Variants in NPLOC4 observed in about 807,000 individuals in gnomAD.
NPLOC4 encodes the protein NPL4 homolog, ubiquitin recognition factor, also known as nuclear protein localization protein 4 homolog.
In NPLOC4, 18 loss-of-function variants were observed where a neutral mutation model predicts 80.6. The ratio of observed to expected loss-of-function variants is 0.22; its 90% CI spans 0.15 to 0.33. The LOEUF is 0.33. NPLOC4 is among the 10% of genes least tolerant of loss of function. The pLI is 1.00. For synonymous variants in NPLOC4, 313 were observed against 301.5 expected, an observed-to-expected ratio of 1.04 and a Z score of -0.39; for missense variants, 540 against 786.1, an observed-to-expected ratio of 0.69 and a Z score of 3.74.
rs937163110 is a variant in NPLOC4, at chr17:81,593,059, T to C, written c.1120+3057A>G. 3.9e-5 allele frequency among the ~76,000 whole-genome samples: 6 copies of C among 152,330 alleles called. No homozygotes were observed. In the East Asian group the frequency reaches 1.2e-3, roughly 29 times the overall value. ...AGTCATTAAAACCACACTGAAATAC[T>C]GTGGAACTGTTCCATATCCCACAAG... On this transcript the variant is annotated intron_variant, in intron 11 of 16. Coordinates refer to ENST00000331134, the MANE Select transcript of NPLOC4 (RefSeq NM_017921.4).
intron 1 of NPLOC4, among the ~76,000 whole-genome samples, chr17:81,632,634 A>G (rs2035962145): frequency 6.6e-6 from 1 of 151,958 alleles, no homozygotes. Context: ...CCTTTTTCAT[A>G]AATTCTATAA....
At position 81,565,669 on chromosome 17, in the gene NPLOC4, G is replaced by T. The variant is rs190443455; in HGVS notation, c.1567-62C>A. 2.2e-5 allele frequency: 28 copies of T among 1,272,234 alleles called. No individual in the cohort carries two copies. The Admixed American group carries it at 2.3e-4, about 10-fold the overall frequency. The allele number at this position is 1,272,234 out of a possible 1,614,324, so 78.8% of individuals were successfully genotyped here. A position where few individuals can be genotyped will look rare whatever the true frequency, so the allele number is the denominator to read the frequency against. The stretch of plus-strand genomic sequence containing the variant: ...GCCTAAGGTGAGCAGCTTCCTGCTA[G>T]AACAGGTTTCTTTCTCCCCAACATC... On this transcript the variant is annotated intron_variant, in intron 15 of 16. Coordinates refer to ENST00000331134, the MANE Select transcript of NPLOC4 (RefSeq NM_017921.4).
chr17:81,569,495 G>A (rs1241078765), intron 13 of NPLOC4, among the ~76,000 whole-genome samples: 1 of 152,262 alleles, frequency 6.6e-6, no homozygotes, highest in Non-Finnish European at 1.5e-5. Flanking sequence ...GAAAGGAACG[G>A]AAGGGCCAGG....
chr17:81,559,851 G>C (rs931366303), intron 16 of NPLOC4, among the ~76,000 whole-genome samples: 1 of 148,934 alleles, frequency 6.7e-6, no homozygotes, highest in South Asian at 2.2e-4. Flanking sequence ...TCCTGCCTCA[G>C]CCTCCCAAGT....
intron 12 of NPLOC4, 108 bp downstream of exon 12, chr17:81,588,836 C>A: frequency 2.1e-6 from 2 of 940,896 alleles, no homozygotes; most frequent in Non-Finnish European, 3.2e-6. Flanking sequence ...GGTTCAACCA[C>A]AGCTGACAAA....
intron 4 of NPLOC4, among the ~76,000 whole-genome samples, chr17:81,612,103 GA>G (rs1393194085): frequency 6.6e-6 from 1 of 152,084 alleles, no homozygotes; most frequent in Non-Finnish European, 1.5e-5. Context: ...TAACAACAAT[GA>G]AAAAACCTTG....
At chr17:81,599,035 T>C (rs1184937685) in intron 9 of NPLOC4, among the ~76,000 whole-genome samples, 3 of 152,212 alleles carry the variant, frequency 2.0e-5, no homozygotes, top group African/African-American at 4.8e-5. Context: ...ACGCCCATAA[T>C]CCCAGAACTT....
intron 8 of NPLOC4, among the ~76,000 whole-genome samples, chr17:81,603,831 T>C (rs1438029242): frequency 6.6e-6 from 1 of 152,210 alleles, no homozygotes; most frequent in African/African-American, 2.4e-5. Flanking sequence ...TAGCATTCAA[T>C]ATTTGCTTAC....
intron 11 of NPLOC4, 25 bp from the exon 12 acceptor site, chr17:81,589,129 G>T: frequency 6.2e-7 from 1 of 1,602,440 alleles, no homozygotes; most frequent in Non-Finnish European, 8.5e-7. Context: ...CCTTTAAAAA[G>T]AGTCTACCAA....
At chr17:81,603,261 G>A (rs1249779795) in intron 8 of NPLOC4, among the ~76,000 whole-genome samples, 3 of 152,128 alleles carry the variant, frequency 2.0e-5, no homozygotes, top group Admixed American at 2.0e-4. Context: ...TTGTAAACAT[G>A]ACTTTGGAAA....
At chr17:81,559,764 G>A (rs2033790029) in intron 16 of NPLOC4, among the ~76,000 whole-genome samples, 1 of 115,062 alleles carries the variant, frequency 8.7e-6, no homozygotes, top group African/African-American at 3.5e-5. Flanking sequence ...GTAGGGTCTT[G>A]CTCTGTCACC....
At chr17:81,569,281 A>G (rs554508289) in intron 13 of NPLOC4, among the ~76,000 whole-genome samples, 170 bp from the exon 14 acceptor site, 14 of 152,336 alleles carry the variant, frequency 9.2e-5, no homozygotes, top group Admixed American at 5.9e-4. Context: ...TGTCATCTCT[A>G]AACGAACACT....
At chr17:81,603,328 GCTC>G (rs2035118107) in intron 8 of NPLOC4, among the ~76,000 whole-genome samples, 1 of 152,100 alleles carries the variant, frequency 6.6e-6, no homozygotes, top group Non-Finnish European at 1.5e-5. Flanking sequence ...GGGCACAGTG[GCTC>G]CTACCTGTAA....
In NPLOC4 at chr17:81,564,151, CTA is replaced by C. The variant is rs1313512656; in HGVS notation, c.1669+1352_1669+1353del. On this transcript the variant is annotated intron_variant, in intron 16 of 16. Coordinates refer to ENST00000331134, the MANE Select transcript of NPLOC4 (RefSeq NM_017921.4). ...GGGCGGGCTGAAAAACTATTAGGTA[CTA>C]TGTGTAGTACCTGGGTGATGTGATC... The C allele has an allele frequency of 1.2e-4, 35 of 289,820 alleles. 2 individuals are homozygous for C. In the Admixed American group the frequency reaches 1.6e-3, roughly 14 times the overall value. The allele number at this position is 289,820 out of a possible 1,614,324, so 18.0% of individuals were successfully genotyped here.
chr17:81,618,100 C>G (rs369822561), intron 3 of NPLOC4, among the ~76,000 whole-genome samples: 7 of 150,504 alleles, frequency 4.7e-5, no homozygotes, highest in Non-Finnish European at 7.4e-5. Context: ...AGTGAGGAGC[C>G]TCTCTGCCTG....
At chr17:81,598,247 AG>A (rs1249081653) in intron 9 of NPLOC4, among the ~76,000 whole-genome samples, 2 of 152,188 alleles carry the variant, frequency 1.3e-5, no homozygotes, top group Non-Finnish European at 2.9e-5. Flanking sequence ...GGCCACACCC[AG>A]GGATCTCCAT....
chr17:81,559,168 T>G lies in NPLOC4; in HGVS notation c.*91A>C. ...CTTGTTCCTCCAGGGCTGCCCACTA[T>G]GGGGCAGTTACAGGGAACACACTCA... On this transcript the variant is annotated 3_prime_UTR_variant, in exon 17 of 17. Coordinates refer to ENST00000331134, the MANE Select transcript of NPLOC4 (RefSeq NM_017921.4). The G allele has an allele frequency of 5.7e-6, 8 of 1,393,962 alleles. No individual in the cohort carries two copies. Among genetic ancestry groups the G allele is most frequent in the Non-Finnish European group, 6.7e-6 (7 of 1,042,524 alleles). The allele number at this position is 1,393,962 out of a possible 1,614,324, so 86.3% of individuals were successfully genotyped here. A position where few individuals can be genotyped will look rare whatever the true frequency, so the allele number is the denominator to read the frequency against.
chr17:81,559,163 C>A lies in NPLOC4; in HGVS notation c.*96G>T. 2.9e-6 allele frequency: 4 copies of A among 1,365,702 alleles called. No individual in the cohort carries two copies. Among genetic ancestry groups the A allele is most frequent in the Non-Finnish European group, 3.9e-6 (4 of 1,022,102 alleles). 84.6% of individuals were successfully genotyped at this position (1,365,702 alleles called of 1,614,324 possible). ...AGCCCCTTGTTCCTCCAGGGCTGCC[C>A]ACTATGGGGCAGTTACAGGGAACAC... is the stretch of plus-strand genomic sequence containing the variant. On this transcript the variant is annotated 3_prime_UTR_variant, in exon 17 of 17. Coordinates refer to ENST00000331134, the MANE Select transcript of NPLOC4 (RefSeq NM_017921.4).
In NPLOC4 at chr17:81,622,234, G is replaced by A. The variant is rs745376381; in HGVS notation, c.141C>T (p.Tyr47=). 1.1e-5 allele frequency: 18 copies of A among 1,613,766 alleles called. No individual in the cohort carries two copies. The change falls in exon 3 of 17, where the codon TAC becomes TAT. Residue 47 remains tyrosine (Y), a synonymous_variant. Transcript: ENST00000331134. ...TCTCTCCGGTCTTGTTTCTATTGAT[G>A]TAAACCGAGAAGCCATTATTTTGGA... ...FGFQNNGFSV[Y]INRNKTGEIT... is the part of the protein sequence containing the mutation.
Sources: gnomAD v4.1 joint callset for allele counts (sites outside exome capture counted in the v4.1 genomes callset) on GRCh38, gnomAD v4.1.1 for gene constraint, MANE v1.5 for transcripts, NCBI Gene and HGNC (gene_info 2026-07-23, HGNC 2026-07-21) for gene names.